Variants in C11orf65 observed in about 807,000 individuals in gnomAD.
The protein encoded by C11orf65 is chromosome 11 open reading frame 65.
C11orf65 carries 38 observed loss-of-function variants against 35.3 expected under a neutral mutation model. The observed-to-expected ratio is 1.08, with a 90% CI of 0.83 to 1.41. The LOEUF is 1.41. Among genes scored for constraint, C11orf65 ranks in the 40% most tolerant of loss-of-function variants. The pLI is 0.00. For synonymous variants in C11orf65, 105 were observed against 114.4 expected (o/e 0.92, Z 0.53); for missense variants, 370 against 367.1 (o/e 1.01, Z -0.06).
intron 6 of C11orf65, among the ~76,000 whole-genome samples, chr11:108,320,761 C>G (rs1050509806): frequency 2.6e-5 from 4 of 152,244 alleles, no homozygotes; most frequent in Admixed American, 2.0e-4. Flanking sequence ...TGAGCCCCTC[C>G]TCCTCACACA....
At chr11:108,415,045 C>T (rs1336713993) in intron 3 of C11orf65, among the ~76,000 whole-genome samples, 1 of 152,064 alleles carries the variant, frequency 6.6e-6, no homozygotes, top group African/African-American at 2.4e-5. Flanking sequence ...TTAATAATAT[C>T]TACAAGAAAC....
chr11:108,460,726 T>TTTG (rs59315807), intron 2 of C11orf65, among the ~76,000 whole-genome samples: 33,415 of 150,920 alleles, frequency 0.22, 4,722 homozygotes, highest in African/African-American at 0.4. Context: ...AAAAGTCTGC[T>TTTG]TTGTTGTTGT....
chr11:108,409,719 G>A (rs930975387), intron 3 of C11orf65, among the ~76,000 whole-genome samples: 12 of 152,032 alleles, frequency 7.9e-5, no homozygotes, highest in Middle Eastern at 3.2e-3. Context: ...TGAGCGGCAG[G>A]AGCATTACTG....
In C11orf65 at chr11:108,317,408, C is replaced by T. The variant is rs569483748; in HGVS notation, c.641-8337G>A. The T allele has an allele frequency of 8.4e-5, 136 of 1,611,662 alleles. No individual in the cohort carries two copies. The highest frequency in any genetic ancestry group is 1.7e-4 in the Middle Eastern group (1 of 6,052). On this transcript the variant is annotated intron_variant, in intron 6 of 6. Transcript: ENST00000525729. Reference sequence around the variant, plus strand: ...ATTTGGGACTCTGCCATATTCTTTCCGTCTATTTAAAAGGATTGGATTATG... The same window carrying T: ...ATTTGGGACTCTGCCATATTCTTTCTGTCTATTTAAAAGGATTGGATTATG...
chr11:108,326,158 A>T lies in C11orf65; in HGVS notation c.641-17087T>A, dbSNP rs1064795166. On this transcript the variant is annotated intron_variant, in intron 6 of 6. Coordinates refer to the C11orf65 transcript ENST00000525729. Reference sequence around the variant, plus strand: ...GAAGCACAAGTATTCTGGGCAAAAAAGGAGCAGAGTCTTGCCCTGAGTATT... The same window carrying T: ...GAAGCACAAGTATTCTGGGCAAAAATGGAGCAGAGTCTTGCCCTGAGTATT... 1 of 1,614,208 alleles carries T rather than the reference A, an allele frequency of 6.2e-7. No homozygotes were observed. The highest frequency in any genetic ancestry group is 8.5e-7 in the Non-Finnish European group (1 of 1,180,008).
intron 7 of C11orf65, among the ~76,000 whole-genome samples, chr11:108,391,571 G>T (rs2092161866): frequency 6.6e-6 from 1 of 152,116 alleles, no homozygotes; most frequent in African/African-American, 2.4e-5. Context: ...TAGAGACAGG[G>T]TTTCACCATG....
intron 6 of C11orf65, among the ~76,000 whole-genome samples, chr11:108,402,549 C>G (rs1158566782): frequency 8.7e-6 from 1 of 114,902 alleles, no homozygotes. Flanking sequence ...ATTTTCTGCA[C>G]AGGTTTTTAA....
intron 2 of C11orf65, chr11:108,347,168 C>T: frequency 2.3e-6 from 2 of 881,790 alleles, no homozygotes; most frequent in East Asian, 5.0e-5. Context: ...GCTAAAAATC[C>T]TAAACTACTT....
At chr11:108,421,605 C>T (rs1262409419) in intron 3 of C11orf65, among the ~76,000 whole-genome samples, 1 of 152,078 alleles carries the variant, frequency 6.6e-6, no homozygotes, top group Non-Finnish European at 1.5e-5. Flanking sequence ...TTGCAGTGAG[C>T]CGAGATCGTG....
downstream of C11orf65, among the ~76,000 whole-genome samples, chr11:108,379,836 T>C (rs1467500604): frequency 1.3e-5 from 2 of 152,072 alleles, no homozygotes; most frequent in Non-Finnish European, 2.9e-5. Context: ...TGATAAATGT[T>C]ATATGGAATG....
At chr11:108,400,790 C>A (rs2092425006) in intron 6 of C11orf65, among the ~76,000 whole-genome samples, 1 of 152,108 alleles carries the variant, frequency 6.6e-6, no homozygotes, top group South Asian at 2.1e-4. Flanking sequence ...AAAGGACAGC[C>A]ACCACAGAGT....
Position 108,359,815 on chromosome 11 carries a change from A to G in C11orf65, c.227-24523T>C, listed in dbSNP as rs1346730507. ...CAAAGCAGTGTGTAGAGGGAAATTT[A>G]TAGCACTAAATGCCCACAAGAGAAA... On this transcript the variant is annotated intron_variant, in intron 2 of 3. Transcript: ENST00000524755. Among the ~76,000 whole-genome samples the G allele has an allele frequency of 4.6e-5, 7 of 152,180 alleles. No homozygotes were observed. In the East Asian group the frequency reaches 1.3e-3, roughly 29 times the overall value.
chr11:108,332,321 A>G (rs1391372356), intron 3 of C11orf65, among the ~76,000 whole-genome samples: 1 of 152,068 alleles, frequency 6.6e-6, no homozygotes, highest in African/African-American at 2.4e-5. Flanking sequence ...AGTCCCAGCT[A>G]CTCGGGAGGC....
chr11:108,410,068 C>A (rs2092626998), intron 3 of C11orf65, among the ~76,000 whole-genome samples: 1 of 152,172 alleles, frequency 6.6e-6, no homozygotes, highest in Non-Finnish European at 1.5e-5. Context: ...ATGAGTTTAT[C>A]TTAACATAAC....
chr11:108,465,043 CTG>C lies in C11orf65; in HGVS notation c.-10+2426_-10+2427del, dbSNP rs552938278. Among the ~76,000 whole-genome samples the C allele has an allele frequency of 7.9e-5, 12 of 152,258 alleles. No homozygotes were observed. The South Asian group carries it at 1.9e-3, about 24-fold the overall frequency. The stretch of plus-strand genomic sequence containing the variant: ...CTTTTAATACTTTCCAAGAACTAAA[CTG>C]TGAGATTTTTTACCTGTTATCAATG... On this transcript the variant is annotated intron_variant, in intron 1 of 8. Coordinates refer to ENST00000393084, the MANE Select transcript of C11orf65 (RefSeq NM_152587.5).
chr11:108,315,409 G>T (rs1389714420), intron 6 of C11orf65, among the ~76,000 whole-genome samples: 1 of 152,074 alleles, frequency 6.6e-6, no homozygotes, highest in Non-Finnish European at 1.5e-5. Flanking sequence ...ATAGATTTGT[G>T]TATATTTTAT....
At chr11:108,315,344 A>G (rs1414475841) in intron 6 of C11orf65, among the ~76,000 whole-genome samples, 1 of 152,226 alleles carries the variant, frequency 6.6e-6, no homozygotes, top group Non-Finnish European at 1.5e-5. Flanking sequence ...TTAACCACAA[A>G]TAATGCTGTG....
chr11:108,391,686 A>G (rs1048415177), intron 7 of C11orf65, among the ~76,000 whole-genome samples: 1 of 149,976 alleles, frequency 6.7e-6, no homozygotes, highest in Non-Finnish European at 1.5e-5. Flanking sequence ...GCCCACAATG[A>G]ATTTTCAATT....
intron 2 of C11orf65, among the ~76,000 whole-genome samples, chr11:108,436,323 C>T (rs554705264): frequency 6.6e-6 from 1 of 151,604 alleles, no homozygotes; most frequent in Admixed American, 6.6e-5. Context: ...AAAGCACTAA[C>T]TTTGTGGCAA....
Sources: gnomAD v4.1 joint callset for allele counts (sites outside exome capture counted in the v4.1 genomes callset) on GRCh38, gnomAD v4.1.1 for gene constraint, MANE v1.5 for transcripts, NCBI Gene and HGNC (gene_info 2026-07-23, HGNC 2026-07-21) for gene names.